Variants in SBNO2 observed in about 807,000 individuals in gnomAD.
The protein encoded by SBNO2 is strawberry notch homolog 2, also known as protein strawberry notch homolog 2.
Under a neutral mutation model 146.3 loss-of-function variants are expected in SBNO2, and 89 were observed. That is an observed-to-expected ratio of 0.61 (90% CI 0.51 to 0.73). The LOEUF is 0.73. Among genes scored for constraint, SBNO2 ranks in the 30% least tolerant of loss-of-function variants. The pLI is 0.00. For missense variants in SBNO2, 2,092 were observed against 2,003.7 expected (o/e 1.04, Z -0.84); for synonymous variants, 1,147 against 892.6 (o/e 1.29, Z -5.08).
chr19:1,110,768 C>T lies in SBNO2; in HGVS notation c.3005G>A (p.Gly1002Asp). 1 of 1,613,586 alleles carries T rather than the reference C, an allele frequency of 6.2e-7. No individual in the cohort carries two copies. The highest frequency in any genetic ancestry group is 1.3e-5 in the African/African-American group (1 of 74,944). Residue 1002 changes from glycine (G) to aspartate (D), a missense_variant, in exon 26 of 32, where the codon GGC becomes GAC. Transcript: ENST00000361757. The surrounding 1 kb of genome is among the most constrained non-coding windows in gnomAD (Gnocchi z 4.9). ...DHLIEMDKRE[G>D]KYDMGILDLA... is the part of the protein sequence containing the mutation. ...ACCCAGGATGCCCATGTCGTATTTG[C>T]CCTCCCGCTTGTCCATCTCGATGAG... is the stretch of plus-strand genomic sequence containing the variant.
intron 12 of SBNO2, 105 bp downstream of exon 12, chr19:1,119,801 G>A (rs1599836310): frequency 1.0e-6 from 1 of 988,488 alleles, no homozygotes; most frequent in Middle Eastern, 2.6e-4. Flanking sequence ...GGAGGAGCAG[G>A]GTGCAGACGG....
chr19:1,119,945 T>A lies in SBNO2; in HGVS notation c.1228A>T (p.Lys410Ter). The change falls in exon 12 of 32, where the codon AAG becomes TAG. Residue 410 changes from lysine (K) to a stop codon, truncating the protein, a stop_gained. Coordinates refer to ENST00000361757, the MANE Select transcript of SBNO2 (RefSeq NM_014963.3). LOFTEE classifies it high-confidence loss of function. The part of the protein sequence containing the change: ...MGKAVLDLQN[K>*]LPLARVVYAS... ...TAGACCACGCGGGCCAGGGGCAGCT[T>A]GTTCTGCAGGTCTAGCACAGCCTTG... 1 of 1,550,210 alleles carries A rather than the reference T, an allele frequency of 6.5e-7. No homozygotes were observed. The highest frequency in any genetic ancestry group is 8.7e-7 in the Non-Finnish European group (1 of 1,147,118).
chr19:1,131,873 G>A (rs1229311948), intron 4 of SBNO2, among the ~76,000 whole-genome samples: 2 of 152,224 alleles, frequency 1.3e-5, no homozygotes, highest in African/African-American at 4.8e-5. Flanking sequence ...CCAGCCCGAA[G>A]TCTTAAATCT....
At position 1,109,494 on chromosome 19, in the gene SBNO2, G is replaced by A. The variant is rs530103450; in HGVS notation, c.3216+12C>T. 9 of 1,586,672 alleles carry A rather than the reference G, an allele frequency of 5.7e-6. No homozygotes were observed. In the African/African-American group the frequency reaches 6.7e-5, roughly 12 times the overall value. On this transcript the variant is annotated intron_variant, in intron 28 of 31. Coordinates refer to ENST00000361757, the MANE Select transcript of SBNO2 (RefSeq NM_014963.3). The surrounding 1 kb of genome is among the most constrained non-coding windows in gnomAD (Gnocchi z 4.2). ...GGCCCTCCTCTGGGGGGGTAACCCC[G>A]CCCGACCCCACCTTGTAGGAGAGGT...
chr19:1,142,983 C>G (rs1002511935), intron 4 of SBNO2, among the ~76,000 whole-genome samples: 2 of 152,090 alleles, frequency 1.3e-5, no homozygotes, highest in African/African-American at 4.8e-5. Context: ...AAAGTCATGA[C>G]TAGCTGTCTC....
chr19:1,153,291 G>A (rs2080259517), intron 2 of SBNO2, among the ~76,000 whole-genome samples: 1 of 149,614 alleles, frequency 6.7e-6, no homozygotes, highest in Non-Finnish European at 1.5e-5. Context: ...AGGCTGGAGT[G>A]CAGTGGTGCA....
intron 4 of SBNO2, 35 bp downstream of exon 4, chr19:1,147,274 C>A (rs755443337): frequency 7.1e-7 from 1 of 1,409,068 alleles, no homozygotes; most frequent in Non-Finnish European, 9.9e-7. Flanking sequence ...CTCCACCCTG[C>A]CCCCCACGGC....
chr19:1,174,220 C>G lies in SBNO2; in HGVS notation c.-175G>C, dbSNP rs948523329. 1 of 151,886 alleles carries G rather than the reference C, an allele frequency of 6.6e-6. No individual in the cohort carries two copies. The highest frequency in any genetic ancestry group is 2.4e-5 in the African/African-American group (1 of 41,372). 9.4% of individuals were successfully genotyped at this position (151,886 alleles called of 1,614,324 possible). ...GCGGAGCCCGCGGCGCCTGTTTCTC[C>G]GAGCCTCGCAGCTGCCGCCGCTCAC... On this transcript the variant is annotated 5_prime_UTR_variant, in exon 1 of 32. Transcript: ENST00000361757.
At position 1,111,056 on chromosome 19, in the gene SBNO2, G is replaced by A; in HGVS notation, c.2847C>T (p.Gly949=). Residue 949 remains glycine (G), a synonymous_variant, in exon 25 of 32, where the codon GGC becomes GGT. Coordinates refer to ENST00000361757, the MANE Select transcript of SBNO2 (RefSeq NM_014963.3). ...KQGLLSVGIG[G]RESRNGCLDV... is the part of the protein sequence containing the mutation. ...CCAGGCAGCCATTCCGGGACTCCCG[G>A]CCACCAATGCCCACAGACAGCAGGC... 1 of 1,564,632 alleles carries A rather than the reference G, an allele frequency of 6.4e-7. No individual in the cohort carries two copies. The highest frequency in any genetic ancestry group is 8.7e-7 in the Non-Finnish European group (1 of 1,155,804).
intron 17 of SBNO2, 78 bp downstream of exon 17, chr19:1,115,943 C>A: frequency 9.2e-7 from 1 of 1,082,514 alleles, no homozygotes. Flanking sequence ...GTGGGGGAAG[C>A]AGGGAGCGAC....
At position 1,157,865 on chromosome 19, in the gene SBNO2, G is replaced by A. The variant is rs960463129; in HGVS notation, c.-126-3463C>T. Among the ~76,000 whole-genome samples, 9 of 151,110 alleles carry A rather than the reference G, an allele frequency of 6.0e-5. No homozygotes were observed. The highest frequency in any genetic ancestry group is 1.2e-4 in the African/African-American group (5 of 40,830). Reference sequence around the variant, plus strand: ...CCTCCCAGCTCTCTCTCTTGAGTCCGGGTAACTGCATCTGCCTCCCAGCTC... The same window carrying A: ...CCTCCCAGCTCTCTCTCTTGAGTCCAGGTAACTGCATCTGCCTCCCAGCTC... On this transcript the variant is annotated intron_variant, in intron 1 of 31. Transcript: ENST00000361757. This position sits in a 1 kb window ranked among gnomAD's most constrained non-coding sequence, Gnocchi z 6.8.
In SBNO2 at chr19:1,162,626, G is replaced by A. The variant is rs1205546685; in HGVS notation, c.-126-8224C>T. Among the ~76,000 whole-genome samples, 3 of 152,238 alleles carry A rather than the reference G, an allele frequency of 2.0e-5. No homozygotes were observed. The East Asian group carries it at 5.8e-4, about 29-fold the overall frequency. On this transcript the variant is annotated intron_variant, in intron 1 of 31. Transcript: ENST00000361757. The stretch of plus-strand genomic sequence containing the variant: ...TGAGGGACCAGACTTCTCCAGGCCG[G>A]CAACCTTCTCCCAGCTTTGTGAGGT...
intron 1 of SBNO2, among the ~76,000 whole-genome samples, chr19:1,164,763 G>A (rs1488126281): frequency 2.0e-5 from 2 of 100,146 alleles, no homozygotes; most frequent in East Asian, 7.7e-4. Flanking sequence ...GGACACTGTG[G>A]GGACATCCCA....
chr19:1,141,041 G>GAGAAGACGCACCCCGA (rs2080131397), intron 4 of SBNO2, among the ~76,000 whole-genome samples: 1 of 151,898 alleles, frequency 6.6e-6, no homozygotes, highest in Non-Finnish European at 1.5e-5. Flanking sequence ...ACGCACCCCG[G>GAGAAGACGCACCCCGA]AGAAGACGCA....
rs1168218785 is a variant in SBNO2 at position 1,157,847 on chromosome 19, GCT to G, written c.-126-3447_-126-3446del. Among the ~76,000 whole-genome samples the G allele has an allele frequency of 3.6e-5, 5 of 137,872 alleles. No individual in the cohort carries two copies. Among genetic ancestry groups the G allele is most frequent in the African/African-American group, 1.1e-4 (4 of 37,558 alleles). 90.4% of individuals were successfully genotyped at this position (137,872 alleles called of 152,430 possible). A position where few individuals can be genotyped will look rare whatever the true frequency, so the allele number is the denominator to read the frequency against. ...TCCGGGTAACTGCGTCCGCCTCCCA[GCT>G]CTCTCTCTTGAGTCCGGGTAACTGC... On this transcript the variant is annotated intron_variant, in intron 1 of 31. Transcript: ENST00000361757. This position sits in a 1 kb window ranked among gnomAD's most constrained non-coding sequence, Gnocchi z 6.8.
intron 16 of SBNO2, among the ~76,000 whole-genome samples, 154 bp downstream of exon 16, chr19:1,116,675 A>C (rs1429030162): frequency 2.6e-5 from 4 of 151,964 alleles, no homozygotes; most frequent in African/African-American, 9.7e-5. Flanking sequence ...GCAGCGGTGA[A>C]GGCCTCTGTG....
intron 1 of SBNO2, among the ~76,000 whole-genome samples, chr19:1,164,595 A>G (rs1396617897): frequency 3.4e-5 from 4 of 118,944 alleles, no homozygotes; most frequent in Non-Finnish European, 3.4e-5. Flanking sequence ...TGCCAGGGGC[A>G]GTGGAGACAG....
At position 1,109,279 on chromosome 19, in the gene SBNO2, G is replaced by C. The variant is rs988605209; in HGVS notation, c.3348+13C>G. Reference sequence around the variant, plus strand: ...GGCAACCCGAGCGAAAGCTGCGCCCGGCGGCCGCCTACCCGGTGGAACTTG... The same window carrying C: ...GGCAACCCGAGCGAAAGCTGCGCCCCGCGGCCGCCTACCCGGTGGAACTTG... On this transcript the variant is annotated intron_variant, in intron 29 of 31. Coordinates refer to ENST00000361757, the MANE Select transcript of SBNO2 (RefSeq NM_014963.3). The surrounding 1 kb of genome is among the most constrained non-coding windows in gnomAD (Gnocchi z 4.2). 6.3e-7 allele frequency: 1 copy of C among 1,585,800 alleles called. No individual in the cohort carries two copies. The highest frequency in any genetic ancestry group is 1.3e-5 in the African/African-American group (1 of 74,444).
chr19:1,148,423 CT>C, intron 3 of SBNO2, among the ~76,000 whole-genome samples: 1 of 151,916 alleles, frequency 6.6e-6, no homozygotes, highest in Non-Finnish European at 1.5e-5. Context: ...CCTACCCCCC[CT>C]GCAGAACCCA....
Sources: allele counts gnomAD v4.1 joint callset (sites outside exome capture counted in the v4.1 genomes callset), GRCh38; gene constraint gnomAD v4.1.1; non-coding constraint Gnocchi (gnomAD v3.1); transcripts MANE v1.5; gene names NCBI Gene and HGNC (gene_info 2026-07-23, HGNC 2026-07-21).